Variants in SPIN1 observed in about 807,000 individuals in gnomAD.
SPIN1 encodes spindlin 1, also known as spindlin-1.
Under a neutral mutation model 26.0 loss-of-function variants are expected in SPIN1, and 3 were observed. The ratio of observed to expected loss-of-function variants is 0.12; its 90% confidence interval spans 0.05 to 0.30. SPIN1 has a LOEUF of 0.30. SPIN1 is among the 10% of genes least tolerant of loss of function. The probability of loss-of-function intolerance (pLI) is 1.00; values close to 1 mark genes in which losing one functional copy is unlikely to be tolerated. For missense variants in SPIN1, 126 were observed against 333.4 expected (o/e 0.38, Z 4.84); for synonymous variants, 101 against 116.5 (o/e 0.87, Z 0.86).
intron 1 of SPIN1, among the ~76,000 whole-genome samples, chr9:88,409,968 C>T (rs1206946769): frequency 6.6e-6 from 1 of 152,064 alleles, no homozygotes; most frequent in Admixed American, 6.5e-5. Flanking sequence ...CCTGTAACCC[C>T]CTTTGGTATT....
intron 2 of SPIN1, among the ~76,000 whole-genome samples, chr9:88,438,011 C>T (rs1024191488): frequency 5.3e-5 from 8 of 151,882 alleles, no homozygotes; most frequent in African/African-American, 1.7e-4. Flanking sequence ...GATTAGCTGG[C>T]GTGGTGATGC....
intron 4 of SPIN1, among the ~76,000 whole-genome samples, chr9:88,467,959 A>T (rs763586218): frequency 6.6e-6 from 1 of 152,082 alleles, no homozygotes; most frequent in Non-Finnish European, 1.5e-5. Flanking sequence ...AGTGAACCGT[A>T]TACAGGAACT....
At chr9:88,411,987 C>A (rs780403297) in intron 1 of SPIN1, among the ~76,000 whole-genome samples, 2 of 149,016 alleles carry the variant, frequency 1.3e-5, no homozygotes, top group East Asian at 3.9e-4. Flanking sequence ...CTGGCTAGTG[C>A]GGTGAAACCC....
At position 88,458,773 on chromosome 9, in the gene SPIN1, A is replaced by G. The variant is rs1587811890; in HGVS notation, c.102-3723A>G. On this transcript the variant is annotated intron_variant, in intron 3 of 5. Transcript: ENST00000375859. ...AAGTTCAAAATCTATAGGGTAGGCC[A>G]GCCATCTAGAGAGCCAGGGAAGAGT... Among the ~76,000 whole-genome samples, 4 of 152,334 alleles carry G rather than the reference A, an allele frequency of 2.6e-5. No individual in the cohort carries two copies. The East Asian group carries it at 7.7e-4, about 29-fold the overall frequency.
chr9:88,393,288 T>C (rs1826972087), intron 1 of SPIN1, among the ~76,000 whole-genome samples: 3 of 149,408 alleles, frequency 2.0e-5, no homozygotes. Flanking sequence ...AAATAGGCAA[T>C]TTTTTTTTTA....
At chr9:88,466,309 C>G (rs985797008) in intron 4 of SPIN1, among the ~76,000 whole-genome samples, 4 of 152,170 alleles carry the variant, frequency 2.6e-5, no homozygotes, top group African/African-American at 9.7e-5. Flanking sequence ...CAGGCACTCA[C>G]CACAGTACCC....
chr9:88,430,577 A>AC, intron 2 of SPIN1, among the ~76,000 whole-genome samples: 1 of 152,020 alleles, frequency 6.6e-6, no homozygotes, highest in African/African-American at 2.4e-5. Flanking sequence ...ATCTGCCATG[A>AC]CCCCCAGTAC....
At chr9:88,407,231 A>T (rs1827329999) in intron 1 of SPIN1, among the ~76,000 whole-genome samples, 1 of 150,962 alleles carries the variant, frequency 6.6e-6, no homozygotes, top group Non-Finnish European at 1.5e-5. Context: ...CCTGCCTCCC[A>T]GTTCAAGCCA....
chr9:88,409,195 A>T (rs886752333), intron 1 of SPIN1, among the ~76,000 whole-genome samples: 9 of 144,586 alleles, frequency 6.2e-5, no homozygotes, highest in African/African-American at 2.3e-4. Flanking sequence ...GGGTTTTTTC[A>T]TGTTGATCAG....
In SPIN1 at chr9:88,426,369, C is replaced by A; in HGVS notation, c.-158-13C>A. 1.9e-6 allele frequency: 1 copy of A among 521,648 alleles called. No homozygotes were observed. The highest frequency in any genetic ancestry group is 3.5e-6 in the Non-Finnish European group (1 of 283,996). The allele number at this position is 521,648 out of a possible 1,614,324, so 32.3% of individuals were successfully genotyped here. A position where few individuals can be genotyped will look rare whatever the true frequency, so the allele number is the denominator to read the frequency against. ...TTGATGCTCTAGTAATGAACTGTTT[C>A]ACTATTTTACAGAGTGCTTGTGATT... is the stretch of plus-strand genomic sequence containing the variant. On this transcript the variant is annotated splice_polypyrimidine_tract_variant and intron_variant, in intron 1 of 5. Transcript: ENST00000375859.
At chr9:88,410,619 T>C (rs954528328) in intron 1 of SPIN1, 18 of 996,584 alleles carry the variant, frequency 1.8e-5, no homozygotes, top group Non-Finnish European at 3.2e-6. Context: ...AGTATTGGCC[T>C]CCACCACCAT....
intron 1 of SPIN1, among the ~76,000 whole-genome samples, chr9:88,399,000 G>A (rs1587771506): frequency 6.6e-6 from 1 of 151,694 alleles, no homozygotes; most frequent in Admixed American, 6.6e-5. Flanking sequence ...ACAGTGATTT[G>A]AGTTCACACA....
chr9:88,404,895 G>GT (rs1172683193), intron 1 of SPIN1, among the ~76,000 whole-genome samples: 1 of 147,734 alleles, frequency 6.8e-6, no homozygotes, highest in Non-Finnish European at 1.5e-5. Flanking sequence ...CAGCCTGGGG[G>GT]CAAGAGTGAG....
At chr9:88,426,621 A>G in intron 2 of SPIN1, 30 bp downstream of exon 2, 1 of 1,574,048 alleles carries the variant, frequency 6.4e-7, no homozygotes. Flanking sequence ...ACATATTTAA[A>G]TATATACTTT....
intron 3 of SPIN1, among the ~76,000 whole-genome samples, chr9:88,455,964 T>C (rs995119022): frequency 6.6e-6 from 1 of 152,218 alleles, no homozygotes; most frequent in Non-Finnish European, 1.5e-5. Context: ...TAAATTCTTT[T>C]TCATGATTTT....
chr9:88,417,250 C>G (rs1240488525), intron 1 of SPIN1, among the ~76,000 whole-genome samples: 2 of 152,056 alleles, frequency 1.3e-5, no homozygotes, highest in Non-Finnish European at 2.9e-5. Context: ...AAAGGAGAAA[C>G]AAATTCTTAT....
intron 1 of SPIN1, among the ~76,000 whole-genome samples, chr9:88,409,884 G>A (rs1827400097): frequency 6.6e-6 from 1 of 151,690 alleles, no homozygotes; most frequent in Admixed American, 6.6e-5. Context: ...GAGCCTGGCA[G>A]CTTCCCTTTT....
At chr9:88,403,390 G>T (rs1258460898) in intron 1 of SPIN1, among the ~76,000 whole-genome samples, 1 of 152,078 alleles carries the variant, frequency 6.6e-6, no homozygotes, top group Non-Finnish European at 1.5e-5. Context: ...TCTTATGAGG[G>T]TGTGTTCTTA....
chr9:88,433,467 A>G (rs929269716), intron 2 of SPIN1, among the ~76,000 whole-genome samples: 1 of 152,062 alleles, frequency 6.6e-6, no homozygotes, highest in Non-Finnish European at 1.5e-5. Flanking sequence ...TCTCTGTTTC[A>G]TTTGGAGGCT....
Sources: allele counts gnomAD v4.1 joint callset (sites outside exome capture counted in the v4.1 genomes callset), GRCh38; gene constraint gnomAD v4.1.1; transcripts MANE v1.5; gene names NCBI Gene and HGNC (gene_info 2026-07-23, HGNC 2026-07-21).